Variants in LMCD1 observed in about 807,000 individuals in gnomAD.
LMCD1 encodes LIM and cysteine rich domains 1, also known as LIM and cysteine-rich domains protein 1.
LMCD1 carries 32 observed loss-of-function variants against 42.7 expected under a neutral mutation model. That is an observed-to-expected ratio of 0.75 (90% CI 0.57 to 1.01). The LOEUF is 1.01. Ranked by LOEUF, LMCD1 falls within the 50% of genes least tolerant of loss-of-function variation. LMCD1 has a pLI of 0.00. For synonymous variants in LMCD1, 178 were observed against 184.9 expected (o/e 0.96, Z 0.30); for missense variants, 458 against 483.1 (o/e 0.95, Z 0.49).
chr3:8,521,898 G>GT (rs199893250), intron 1 of LMCD1, among the ~76,000 whole-genome samples: 61 of 151,620 alleles, frequency 4.0e-4, no homozygotes, highest in East Asian at 1.9e-4. Flanking sequence ...TTTGGTTTTT[G>GT]TTTTTTTTCA....
intron 3 of LMCD1, among the ~76,000 whole-genome samples, chr3:8,544,301 C>A (rs2125029376): frequency 6.6e-6 from 1 of 152,280 alleles, no homozygotes; most frequent in Admixed American, 6.5e-5. Context: ...AGCAGGAGAA[C>A]TGGACCTAAA....
chr3:8,503,592 C>G (rs1242667506), intron 1 of LMCD1, among the ~76,000 whole-genome samples: 2 of 152,222 alleles, frequency 1.3e-5, no homozygotes, highest in Admixed American at 1.3e-4. Context: ...TTGTTCATCC[C>G]TGTTTGAACA....
At chr3:8,514,155 A>T (rs1694055594) in intron 1 of LMCD1, among the ~76,000 whole-genome samples, 1 of 152,220 alleles carries the variant, frequency 6.6e-6, no homozygotes, top group South Asian at 2.1e-4. Flanking sequence ...TTCAGAATAT[A>T]TAAATAACTT....
chr3:8,510,445 T>C (rs1693974460), intron 1 of LMCD1, among the ~76,000 whole-genome samples: 1 of 152,210 alleles, frequency 6.6e-6, no homozygotes, highest in African/African-American at 2.4e-5. Context: ...AGGACAGCCT[T>C]TTAACCTAGG....
intron 3 of LMCD1, among the ~76,000 whole-genome samples, chr3:8,540,977 T>C (rs12715651): frequency 0.49 from 73,691 of 151,776 alleles, 18,605 homozygotes; most frequent in Non-Finnish European, 0.53. Context: ...CTTCTTCACA[T>C]AGCACTCTCG....
At chr3:8,509,426 A>G (rs9866032) in intron 1 of LMCD1, among the ~76,000 whole-genome samples, 112,735 of 152,036 alleles carry the variant, frequency 0.74, 42,670 homozygotes, top group African/African-American at 0.91. Flanking sequence ...CTCCATTACC[A>G]GTCTTTCCCT....
intron 3 of LMCD1, among the ~76,000 whole-genome samples, chr3:8,546,944 A>G (rs1228581291): frequency 6.6e-6 from 1 of 152,220 alleles, no homozygotes; most frequent in African/African-American, 2.4e-5. Flanking sequence ...AAAAGCAGCA[A>G]CTTTTCTTTG....
chr3:8,553,519 C>T (rs1268002370), intron 4 of LMCD1, among the ~76,000 whole-genome samples: 13 of 152,224 alleles, frequency 8.5e-5, no homozygotes, highest in Non-Finnish European at 1.3e-4. Flanking sequence ...ACCTGCATGG[C>T]CGGGGCTGTC....
intron 1 of LMCD1, among the ~76,000 whole-genome samples, chr3:8,528,340 C>A (rs536330707): frequency 1.0e-3 from 138 of 135,618 alleles, no homozygotes; most frequent in African/African-American, 3.8e-3. Flanking sequence ...CAGGCACATA[C>A]TACCACACCT....
intron 4 of LMCD1, among the ~76,000 whole-genome samples, chr3:8,560,364 G>C (rs1275106879): frequency 1.3e-5 from 2 of 152,098 alleles, no homozygotes; most frequent in Non-Finnish European, 2.9e-5. Context: ...CTGCCTTTTG[G>C]ACCTGATATC....
intron 3 of LMCD1, among the ~76,000 whole-genome samples, chr3:8,541,467 T>A (rs1237309561): frequency 6.6e-6 from 1 of 152,146 alleles, no homozygotes; most frequent in African/African-American, 2.4e-5. Context: ...GATAATCGCT[T>A]GAACCCGGGA....
At position 8,542,098 on chromosome 3, in the gene LMCD1, G is replaced by A. The variant is rs768765698; in HGVS notation, c.387+4658G>A. Among the ~76,000 whole-genome samples the A allele has an allele frequency of 4.1e-5, 6 of 146,844 alleles. No homozygotes were observed. The South Asian group carries it at 6.6e-4, about 16-fold the overall frequency. ...CAACCTCCGCCTCCTGGGTTCAAGC[G>A]ATTCTCATGTCTCAGCTTCCCAATT... is the stretch of plus-strand genomic sequence containing the variant. On this transcript the variant is annotated intron_variant, in intron 3 of 5. Coordinates refer to ENST00000157600, the MANE Select transcript of LMCD1 (RefSeq NM_014583.4).
rs901350507 is a variant in LMCD1 at position 8,537,042 on chromosome 3, G to A, written c.132-143G>A. 1.6e-5 allele frequency: 14 copies of A among 873,494 alleles called. No homozygotes were observed. In the African/African-American group the frequency reaches 2.1e-4, roughly 13 times the overall value. The allele number at this position is 873,494 out of a possible 1,614,324, so 54.1% of individuals were successfully genotyped here. A position where few individuals can be genotyped will look rare whatever the true frequency, so the allele number is the denominator to read the frequency against. ...AGTTCCCAATTCCAAAGGCCTTTTTGTCTCAGGTTACCATTTGTCCGCTGC... is the reference window on the plus strand; with the variant it reads ...AGTTCCCAATTCCAAAGGCCTTTTTATCTCAGGTTACCATTTGTCCGCTGC... On this transcript the variant is annotated intron_variant, in intron 2 of 5. Coordinates refer to ENST00000157600, the MANE Select transcript of LMCD1 (RefSeq NM_014583.4).
chr3:8,502,388 T>G (rs1220404890), intron 1 of LMCD1, among the ~76,000 whole-genome samples: 1 of 84,776 alleles, frequency 1.2e-5, no homozygotes, highest in Non-Finnish European at 2.2e-5. Flanking sequence ...TAATATATAT[T>G]ATATATAAAA....
chr3:8,502,113 T>G, intron 1 of LMCD1, 133 bp downstream of exon 1: 1 of 719,748 alleles, frequency 1.4e-6, no homozygotes, highest in South Asian at 2.1e-5. Flanking sequence ...GGAAAACAAA[T>G]AGTTGGGAAT....
chr3:8,527,382 GAAT>G (rs1173546221), intron 1 of LMCD1, among the ~76,000 whole-genome samples: 1 of 152,116 alleles, frequency 6.6e-6, no homozygotes, highest in African/African-American at 2.4e-5. Flanking sequence ...TTTTGACTGG[GAAT>G]AATGATGATA....
chr3:8,565,516 C>T lies in LMCD1; in HGVS notation c.808C>T (p.Pro270Ser), dbSNP rs1483893350. The T allele has an allele frequency of 1.2e-6, 2 of 1,614,054 alleles. No homozygotes were observed. The highest frequency in any genetic ancestry group is 1.7e-6 in the Non-Finnish European group (2 of 1,180,014). ...GGCAGGCTACAACAAGCAGTGGCAC[C>T]CCACCTGCTTTGTGTGTGCCAAGTG... ...DRAGYNKQWH[P>S]TCFVCAKCSE... is the part of the protein sequence containing the mutation. The change falls in exon 5 of 6, where the codon CCC becomes TCC. Residue 270 changes from proline to serine, a missense_variant. Pro to Ser is a moderately conservative substitution (Grantham distance 74). Coordinates refer to ENST00000157600, the MANE Select transcript of LMCD1 (RefSeq NM_014583.4).
At chr3:8,522,390 G>A (rs766138631) in intron 1 of LMCD1, among the ~76,000 whole-genome samples, 2 of 152,154 alleles carry the variant, frequency 1.3e-5, no homozygotes, top group African/African-American at 2.4e-5. Context: ...AGTCTGCCCT[G>A]CGGAGCTGAT....
intron 1 of LMCD1, among the ~76,000 whole-genome samples, chr3:8,509,476 T>G (rs1693952421): frequency 6.6e-6 from 1 of 152,222 alleles, no homozygotes; most frequent in Non-Finnish European, 1.5e-5. Flanking sequence ...AGTCACTCAT[T>G]TCTTTATATA....
Sources: allele counts gnomAD v4.1 joint callset (sites outside exome capture counted in the v4.1 genomes callset), GRCh38; gene constraint gnomAD v4.1.1; transcripts MANE v1.5; gene names NCBI Gene and HGNC (gene_info 2026-07-23, HGNC 2026-07-21).